Variants in TENM3 observed in about 807,000 individuals in gnomAD.
The protein encoded by TENM3 is teneurin transmembrane protein 3.
A neutral mutation model predicts 255.1 loss-of-function variants in TENM3; 63 were observed. The ratio of observed to expected loss-of-function variants is 0.25; its 90% confidence interval spans 0.20 to 0.30. The LOEUF is 0.30. Among genes scored for constraint, TENM3 ranks in the 10% least tolerant of loss-of-function variants. The probability of loss-of-function intolerance (pLI) is 1.00; values close to 1 mark genes in which losing one functional copy is unlikely to be tolerated. For synonymous variants in TENM3, 1,306 were observed against 1,322.3 expected (o/e 0.99, Z 0.27); for missense variants, 2,929 against 3,461.1 (o/e 0.85, Z 3.86).
chr4:181,951,327 A>C, the TENM3 span, among the ~76,000 whole-genome samples: 1 of 152,286 alleles, frequency 6.6e-6, no homozygotes, highest in Middle Eastern at 3.4e-3. Flanking sequence ...TCTCAAAATC[A>C]GAGTCGCAAA....
intron 1 of TENM3, among the ~76,000 whole-genome samples, chr4:182,192,017 G>A (rs1267951401): frequency 1.3e-5 from 2 of 151,946 alleles, no homozygotes; most frequent in Admixed American, 1.3e-4. Context: ...TATTTTTTTT[G>A]TATGGCCTGC....
chr4:182,279,299 T>C (rs1386150874), intron 1 of TENM3, among the ~76,000 whole-genome samples: 1 of 152,206 alleles, frequency 6.6e-6, no homozygotes, highest in Non-Finnish European at 1.5e-5. Flanking sequence ...AATATATGTA[T>C]ATATTAAGAA....
At chr4:182,555,078 A>G (rs1699731397) in intron 3 of TENM3, among the ~76,000 whole-genome samples, 1 of 152,186 alleles carries the variant, frequency 6.6e-6, no homozygotes, top group African/African-American at 2.4e-5. Context: ...CTTAGCTCGC[A>G]TTAATGGCCA....
the TENM3 span, among the ~76,000 whole-genome samples, chr4:182,121,935 C>A: frequency 2.0e-5 from 3 of 152,188 alleles, no homozygotes; most frequent in Non-Finnish European, 2.9e-5. Flanking sequence ...TGGAGTCAAT[C>A]CTCTCAAACC....
At chr4:182,536,736 C>G (rs1467359579) in intron 3 of TENM3, among the ~76,000 whole-genome samples, 1 of 152,190 alleles carries the variant, frequency 6.6e-6, no homozygotes, top group South Asian at 2.1e-4. Context: ...GAGCCTGTTT[C>G]TGCTAGCTCA....
intron 24 of TENM3, among the ~76,000 whole-genome samples, chr4:182,784,217 T>A (rs1239655109): frequency 1.3e-5 from 2 of 152,172 alleles, no homozygotes; most frequent in Non-Finnish European, 2.9e-5. Flanking sequence ...GACGGTGATG[T>A]ACAGATGGGT....
chr4:181,807,538 A>T, the TENM3 span, among the ~76,000 whole-genome samples: 1 of 152,226 alleles, frequency 6.6e-6, no homozygotes, highest in Admixed American at 6.5e-5. Flanking sequence ...TTTTTAGTAG[A>T]GACAGGGTTT....
At chr4:181,482,886 A>G in the TENM3 span, among the ~76,000 whole-genome samples, 1 of 152,134 alleles carries the variant, frequency 6.6e-6, no homozygotes. Context: ...ATCCCAAGCA[A>G]TCATTCTTCT....
At chr4:181,995,476 A>G in the TENM3 span, among the ~76,000 whole-genome samples, 1 of 152,048 alleles carries the variant, frequency 6.6e-6, no homozygotes, top group Non-Finnish European at 1.5e-5. Context: ...AAGCACAAAT[A>G]TTTTTCATTA....
chr4:182,585,637 G>A (rs2152374110), intron 3 of TENM3, among the ~76,000 whole-genome samples: 1 of 152,310 alleles, frequency 6.6e-6, no homozygotes, highest in East Asian at 1.9e-4. Flanking sequence ...CTCTAGAACT[G>A]TGAGAAAATC....
the TENM3 span, among the ~76,000 whole-genome samples, chr4:181,641,468 A>T: frequency 3.5e-5 from 5 of 144,436 alleles, no homozygotes; most frequent in Admixed American, 1.4e-4. Context: ...TTTGCTGAGA[A>T]TGATGGTTTC....
chr4:181,622,967 T>G, the TENM3 span, among the ~76,000 whole-genome samples: 1 of 152,140 alleles, frequency 6.6e-6, no homozygotes, highest in African/African-American at 2.4e-5. Context: ...ACCCTTCCGG[T>G]GGCATTACAT....
chr4:181,949,286 ATCT>A, the TENM3 span, among the ~76,000 whole-genome samples: 3 of 152,212 alleles, frequency 2.0e-5, no homozygotes, highest in South Asian at 2.1e-4. Flanking sequence ...TCTGTCCATC[ATCT>A]TCTTAATAGA....
intron 1 of TENM3, among the ~76,000 whole-genome samples, chr4:182,213,857 A>G (rs746854639): frequency 1.3e-5 from 2 of 152,064 alleles, no homozygotes; most frequent in African/African-American, 4.8e-5. Context: ...GCTGGAGTGC[A>G]GTGGCGCGAT....
the TENM3 span, among the ~76,000 whole-genome samples, chr4:181,679,338 A>G: frequency 6.6e-6 from 1 of 151,938 alleles, no homozygotes; most frequent in Non-Finnish European, 1.5e-5. Flanking sequence ...CCATTCACGA[A>G]TCTTTCATTG....
intron 3 of TENM3, among the ~76,000 whole-genome samples, chr4:182,578,871 T>G (rs1452982014): frequency 6.6e-6 from 1 of 152,244 alleles, no homozygotes; most frequent in East Asian, 1.9e-4. Context: ...GTCTTCCTGC[T>G]TTGACTTTGC....
At chr4:182,271,297 C>G (rs1759605785) in intron 1 of TENM3, among the ~76,000 whole-genome samples, 1 of 152,152 alleles carries the variant, frequency 6.6e-6, no homozygotes, top group Non-Finnish European at 1.5e-5. Flanking sequence ...CTGAAAAGAC[C>G]TTTCCCTGAA....
chr4:181,559,336 G>A, the TENM3 span, among the ~76,000 whole-genome samples: 6 of 152,092 alleles, frequency 3.9e-5, no homozygotes, highest in Admixed American at 3.3e-4. Flanking sequence ...ACCCACAATG[G>A]CAAATTGATC....
the TENM3 span, among the ~76,000 whole-genome samples, chr4:181,987,267 C>T: frequency 6.6e-6 from 1 of 152,110 alleles, no homozygotes; most frequent in East Asian, 1.9e-4. Context: ...TCCATCATCC[C>T]AAGCCCCTGG....
Sources: gnomAD v4.1 joint callset for allele counts (sites outside exome capture counted in the v4.1 genomes callset) on GRCh38, gnomAD v4.1.1 for gene constraint, MANE v1.5 for transcripts, NCBI Gene and HGNC (gene_info 2026-07-23, HGNC 2026-07-21) for gene names.